The following ZNF362 variants were observed in gnomAD, a reference collection of about 807,000 sequenced individuals.
ZNF362 encodes the protein zinc finger protein 362, also known as rotund homolog.
A neutral mutation model predicts 42.9 loss-of-function variants in ZNF362; 11 were observed. The observed-to-expected ratio is 0.26, with a 90% CI of 0.16 to 0.42. The LOEUF (loss-of-function observed/expected upper bound fraction) is 0.42. ZNF362 is among the 20% of genes least tolerant of loss of function. The pLI is 1.00. For missense variants in ZNF362, 362 were observed against 576.2 expected, an observed-to-expected ratio of 0.63 and a Z score of 3.81; for synonymous variants, 255 against 257.3, an observed-to-expected ratio of 0.99 and a Z score of 0.09.
At chr1:33,155,134 C>T in the ZNF362 span, among the ~76,000 whole-genome samples, 19 of 147,998 alleles carry the variant, frequency 1.3e-4, no homozygotes, top group African/African-American at 3.7e-4. Flanking sequence ...TGCAGTGGCG[C>T]GATCTCGGCT....
the ZNF362 span, among the ~76,000 whole-genome samples, chr1:33,233,266 A>T: frequency 6.6e-6 from 1 of 152,142 alleles, no homozygotes. Flanking sequence ...TGCCTGACCA[A>T]CTACAGTTCA....
the ZNF362 span, among the ~76,000 whole-genome samples, chr1:33,233,349 G>A: frequency 1.3e-5 from 2 of 151,734 alleles, no homozygotes; most frequent in East Asian, 3.9e-4. Flanking sequence ...GCTTTAGCCT[G>A]CCTTTTCTCT....
the ZNF362 span, among the ~76,000 whole-genome samples, chr1:33,184,818 T>C: frequency 6.6e-6 from 1 of 152,214 alleles, no homozygotes; most frequent in East Asian, 1.9e-4. Context: ...TCTCGCTCTG[T>C]CACCCTGGCT....
chr1:33,285,171 T>A (rs1195496891), intron 6 of ZNF362, among the ~76,000 whole-genome samples: 1 of 152,156 alleles, frequency 6.6e-6, no homozygotes, highest in Non-Finnish European at 1.5e-5. Context: ...CCCAACACTT[T>A]GGGAAGCTGA....
intron 2 of ZNF362, among the ~76,000 whole-genome samples, chr1:33,274,035 C>G (rs12724075): frequency 6.6e-6 from 1 of 152,162 alleles, no homozygotes; most frequent in African/African-American, 2.4e-5. Context: ...CTTTACATCT[C>G]GGTCCCCTCC....
chr1:33,131,325 C>T, the ZNF362 span, among the ~76,000 whole-genome samples: 29 of 152,346 alleles, frequency 1.9e-4, 1 homozygote, highest in South Asian at 6.0e-3. Flanking sequence ...TGCCTTCATA[C>T]TGTTCATAAC....
At chr1:33,211,909 T>C in the ZNF362 span, among the ~76,000 whole-genome samples, 1 of 152,212 alleles carries the variant, frequency 6.6e-6, no homozygotes, top group Non-Finnish European at 1.5e-5. Context: ...ATTCTTATAT[T>C]GCTGGTGGGA....
the ZNF362 span, among the ~76,000 whole-genome samples, chr1:33,177,345 AG>A: frequency 6.6e-6 from 1 of 152,224 alleles, no homozygotes; most frequent in Non-Finnish European, 1.5e-5. The surrounding 1 kb of genome is among the most constrained non-coding windows in gnomAD (Gnocchi z 4.1). Context: ...CTTCTGATAA[AG>A]GATCCCTAAC....
the ZNF362 span, among the ~76,000 whole-genome samples, chr1:33,138,907 C>T: frequency 6.6e-6 from 1 of 152,180 alleles, no homozygotes; most frequent in Non-Finnish European, 1.5e-5. Flanking sequence ...TGGGCTTCTA[C>T]TTACACCACA....
At chr1:33,291,841 T>G (rs1646080628) in intron 6 of ZNF362, among the ~76,000 whole-genome samples, 1 of 152,218 alleles carries the variant, frequency 6.6e-6, no homozygotes, top group Non-Finnish European at 1.5e-5. Context: ...CAATTGTGAA[T>G]GGGAGTTCAC....
At chr1:33,148,978 C>T in the ZNF362 span, among the ~76,000 whole-genome samples, 1 of 152,176 alleles carries the variant, frequency 6.6e-6, no homozygotes, top group South Asian at 2.1e-4. Flanking sequence ...ACTTCTGCCC[C>T]CTACCCCACT....
At chr1:33,189,342 T>G in the ZNF362 span, among the ~76,000 whole-genome samples, 1 of 151,976 alleles carries the variant, frequency 6.6e-6, no homozygotes, top group African/African-American at 2.4e-5. Flanking sequence ...TTCTGTAGTT[T>G]ATTTGTGACC....
chr1:33,135,934 C>T, the ZNF362 span, among the ~76,000 whole-genome samples: 1 of 152,130 alleles, frequency 6.6e-6, no homozygotes, highest in Non-Finnish European at 1.5e-5. Context: ...AGGCCCAGCC[C>T]TCCCTCCCCA....
the ZNF362 span, among the ~76,000 whole-genome samples, chr1:33,212,073 T>A: frequency 1.3e-5 from 2 of 152,172 alleles, no homozygotes; most frequent in Admixed American, 6.5e-5. Context: ...CTTGGAGCTG[T>A]CATTACGATA....
At chr1:33,140,250 G>A in the ZNF362 span, among the ~76,000 whole-genome samples, 1 of 152,244 alleles carries the variant, frequency 6.6e-6, no homozygotes. The surrounding 1 kb of genome is among the most constrained non-coding windows in gnomAD (Gnocchi z 4.0). Flanking sequence ...TCATTGGTGA[G>A]TCAGAGACGG....
intron 2 of ZNF362, chr1:33,274,954 C>T: frequency 2.0e-6 from 2 of 985,228 alleles, no homozygotes; most frequent in Non-Finnish European, 2.4e-6. Context: ...AGATTGTGTC[C>T]TTATTGAGGG....
Position 33,294,939 on chromosome 1 carries a change from T to A in ZNF362, c.911T>A (p.Ile304Asn). The A allele has an allele frequency of 6.2e-7, 1 of 1,613,902 alleles. No individual in the cohort carries two copies. Among genetic ancestry groups the A allele is most frequent in the Non-Finnish European group, 8.5e-7 (1 of 1,179,936 alleles). Residue 304 changes from isoleucine to asparagine, a missense_variant and splice_region_variant, in exon 7 of 9, where the codon ATC (isoleucine) becomes AAC (asparagine). Ile to Asn is a moderately radical substitution (Grantham distance 149). This residue lies in a region of ZNF362 where 28 missense variants were observed against 103.4 expected (regional missense o/e 0.27). Coordinates refer to ENST00000539719, the MANE Select transcript of ZNF362 (RefSeq NM_152493.3). This position sits in a 1 kb window ranked among gnomAD's most constrained non-coding sequence, Gnocchi z 4.2. ...CCTTACTGGGCTGCCCATTACAGAA[T>A]CCACACAGGCGACAGACCCTACAAG... is the stretch of plus-strand genomic sequence containing the variant. ...QLSHLQQHTR[I>N]HTGDRPYKCP...
the ZNF362 span, among the ~76,000 whole-genome samples, chr1:33,244,663 C>A: frequency 6.6e-6 from 1 of 152,340 alleles, no homozygotes; most frequent in South Asian, 2.1e-4. The surrounding 1 kb of genome is among the most constrained non-coding windows in gnomAD (Gnocchi z 4.0). Flanking sequence ...TCAGGCTCCA[C>A]AATTTACTCT....
the ZNF362 span, among the ~76,000 whole-genome samples, chr1:33,201,036 A>G: frequency 3.9e-4 from 60 of 152,270 alleles, 1 homozygote; most frequent in Admixed American, 2.2e-3. Context: ...TTAATCTTGG[A>G]TTTCTGGCCT....
Sources: gnomAD v4.1 joint callset for allele counts (sites outside exome capture counted in the v4.1 genomes callset) on GRCh38, gnomAD v4.1.1 for gene constraint, gnomAD v4.1.1 regional missense constraint, Gnocchi (gnomAD v3.1) non-coding constraint, MANE v1.5 for transcripts, NCBI Gene and HGNC (gene_info 2026-07-23, HGNC 2026-07-21) for gene names.